EPB41: variants seen among roughly 807,000 people sequenced by gnomAD.
EPB41 encodes the protein erythrocyte membrane protein band 4.1, also known as protein 4.1.
EPB41 carries 65 observed loss-of-function variants against 108.0 expected under a neutral mutation model. That is an observed-to-expected ratio of 0.60 (90% CI 0.49 to 0.74). The LOEUF is 0.74. Ranked by LOEUF, EPB41 falls within the 30% of genes least tolerant of loss-of-function variation. EPB41 has a pLI of 0.00. For synonymous variants in EPB41, 336 were observed against 358.9 expected, an observed-to-expected ratio of 0.94 and a Z score of 0.72; for missense variants, 875 against 1,037.0, an observed-to-expected ratio of 0.84 and a Z score of 2.15.
chr1:28,981,343 GAAGAATTTCAAA>G (rs1260017128), intron 1 of EPB41, among the ~76,000 whole-genome samples: 1 of 152,150 alleles, frequency 6.6e-6, no homozygotes, highest in Non-Finnish European at 1.5e-5. Context: ...TCGAATCATA[GAAGAATTTCAAA>G]AAGAGCAGCA....
intron 16 of EPB41, among the ~76,000 whole-genome samples, chr1:29,074,833 T>C (rs1328762826): frequency 6.6e-6 from 1 of 152,166 alleles, no homozygotes; most frequent in Non-Finnish European, 1.5e-5. Flanking sequence ...ATAGATAACA[T>C]TGTGGAGAAA....
chr1:29,011,748 A>C (rs1012538560), intron 4 of EPB41, 117 bp from the exon 5 acceptor site: 13 of 1,106,616 alleles, frequency 1.2e-5, no homozygotes, highest in Non-Finnish European at 1.3e-5. Flanking sequence ...AGACTATCAA[A>C]GGAAATGCAG....
intron 1 of EPB41, among the ~76,000 whole-genome samples, chr1:28,956,834 A>G (rs1332303251): frequency 6.6e-6 from 1 of 152,262 alleles, no homozygotes; most frequent in African/African-American, 2.4e-5. Flanking sequence ...AGCAATATAC[A>G]TGAAATAATA....
chr1:28,989,578 G>A (rs2095957363), intron 2 of EPB41: 1 of 184,962 alleles, frequency 5.4e-6, no homozygotes, highest in Non-Finnish European at 1.0e-5. Flanking sequence ...ACTATTACTT[G>A]TATATTCAAA....
At chr1:29,020,713 A>C (rs1213374971) in intron 7 of EPB41, among the ~76,000 whole-genome samples, 1 of 151,842 alleles carries the variant, frequency 6.6e-6, no homozygotes, top group Non-Finnish European at 1.5e-5. Flanking sequence ...AGTGTAGTGT[A>C]GTGGTGTGAT....
At position 28,996,116 on chromosome 1, in the gene EPB41, T is replaced by C. The variant is rs140169980; in HGVS notation, c.682-1099T>C. Reference sequence around the variant, plus strand: ...GGTAGGATGAGTGTAAATATTCTTATCATTTCACAGCTGAGCAAACTAATG... The same window carrying C: ...GGTAGGATGAGTGTAAATATTCTTACCATTTCACAGCTGAGCAAACTAATG... On this transcript the variant is annotated intron_variant, in intron 3 of 20. Transcript: ENST00000343067. 4.3e-3 allele frequency among the ~76,000 whole-genome samples: 656 copies of C among 152,328 alleles called. 4 individuals carry two copies. Among genetic ancestry groups the C allele is most frequent in the African/African-American group, 0.015 (629 of 41,576 alleles).
At chr1:28,951,454 G>A (rs2094718483) in intron 1 of EPB41, among the ~76,000 whole-genome samples, 1 of 152,062 alleles carries the variant, frequency 6.6e-6, no homozygotes, top group South Asian at 2.1e-4. Flanking sequence ...CAGTAATGGA[G>A]TAGAAGCAAA....
intron 1 of EPB41, among the ~76,000 whole-genome samples, chr1:28,888,746 G>GCCTC (rs2089754951): frequency 6.6e-6 from 1 of 152,180 alleles, no homozygotes; most frequent in Admixed American, 6.5e-5. Flanking sequence ...TCCTGCCTCA[G>GCCTC]CCTCCCGAGT....
intron 1 of EPB41, among the ~76,000 whole-genome samples, chr1:28,936,032 C>T (rs2094009294): frequency 6.6e-6 from 1 of 152,122 alleles, no homozygotes; most frequent in Non-Finnish European, 1.5e-5. Flanking sequence ...GTTTGTCTCT[C>T]ATATCCTTCT....
intron 11 of EPB41, among the ~76,000 whole-genome samples, chr1:29,048,284 G>A (rs968503121): frequency 4.6e-5 from 7 of 151,590 alleles, no homozygotes; most frequent in African/African-American, 7.3e-5. Flanking sequence ...GCGTGATCTC[G>A]GCTCACCGCA....
upstream of EPB41, chr1:28,911,021 T>C (rs1570385720): frequency 2.0e-6 from 2 of 985,268 alleles, no homozygotes; most frequent in South Asian, 4.7e-5. Context: ...CCTTTACCCT[T>C]GGTACCTGAT....
intron 1 of EPB41, among the ~76,000 whole-genome samples, chr1:28,945,604 G>A (rs141267500): frequency 6.6e-6 from 1 of 152,142 alleles, no homozygotes; most frequent in Non-Finnish European, 1.5e-5. Context: ...GTGGAGCAGT[G>A]AATATATTAA....
intron 7 of EPB41, among the ~76,000 whole-genome samples, chr1:29,021,738 A>T (rs904969890): frequency 6.6e-6 from 1 of 151,956 alleles, no homozygotes; most frequent in African/African-American, 2.4e-5. Context: ...GCCAGCCACC[A>T]CGCCTAGCTA....
At chr1:29,017,181 T>A (rs1223612112) in intron 6 of EPB41, among the ~76,000 whole-genome samples, 2 of 152,252 alleles carry the variant, frequency 1.3e-5, no homozygotes, top group Admixed American at 6.5e-5. Flanking sequence ...TAAAAATCTT[T>A]GCTAATTATT....
At chr1:28,998,334 G>T (rs1263741684) in intron 4 of EPB41, among the ~76,000 whole-genome samples, 1 of 152,182 alleles carries the variant, frequency 6.6e-6, no homozygotes, top group Admixed American at 6.5e-5. Context: ...AGGATATGAG[G>T]AATAGAGTAA....
intron 16 of EPB41, among the ~76,000 whole-genome samples, chr1:29,085,879 A>G (rs1394267374): frequency 1.3e-5 from 2 of 152,180 alleles, no homozygotes; most frequent in Non-Finnish European, 2.9e-5. Flanking sequence ...CCAACTAACT[A>G]AATTACCAAG....
At chr1:28,934,424 G>A (rs2093895156) in intron 1 of EPB41, among the ~76,000 whole-genome samples, 2 of 152,018 alleles carry the variant, frequency 1.3e-5, no homozygotes, top group Admixed American at 1.3e-4. Flanking sequence ...CTAAGGAGTG[G>A]AGAGTTGTAC....
rs2090432393 is a variant in EPB41 at position 28,894,199 on chromosome 1, C to T, written c.-8+6989C>T. 2.6e-5 allele frequency among the ~76,000 whole-genome samples: 4 copies of T among 152,096 alleles called. No individual in the cohort carries two copies. In the South Asian group the frequency reaches 8.3e-4, roughly 32 times the overall value. On this transcript the variant is annotated intron_variant, in intron 1 of 16. Transcript: ENST00000347529. ...TATTTGTTCTTTTATTCATGTAAGC[C>T]CCACAAGGGCAGGGATTTTTGTTCA...
chr1:29,093,535 T>G (rs1436043208), intron 16 of EPB41, among the ~76,000 whole-genome samples: 1 of 152,192 alleles, frequency 6.6e-6, no homozygotes, highest in African/African-American at 2.4e-5. Flanking sequence ...GTGCAGAAGC[T>G]CTTAAGTTTA....
Sources: allele counts gnomAD v4.1 joint callset (sites outside exome capture counted in the v4.1 genomes callset), GRCh38; gene constraint gnomAD v4.1.1; transcripts MANE v1.5; gene names NCBI Gene and HGNC (gene_info 2026-07-23, HGNC 2026-07-21).